Variants in PDE6D observed in about 807,000 individuals in gnomAD.
The protein encoded by PDE6D is retinal rod rhodopsin-sensitive cGMP 3',5'-cyclic phosphodiesterase subunit delta.
A neutral mutation model predicts 21.9 loss-of-function variants in PDE6D; 10 were observed. The observed-to-expected ratio is 0.46, with a 90% CI of 0.28 to 0.78. The LOEUF is 0.78. Ranked by LOEUF, PDE6D falls within the 30% of genes least tolerant of loss-of-function variation. The pLI is 0.12. For synonymous variants in PDE6D, 59 were observed against 63.5 expected (o/e 0.93, Z 0.34); for missense variants, 139 against 184.8 (o/e 0.75, Z 1.44).
intron 1 of PDE6D, among the ~76,000 whole-genome samples, chr2:231,775,066 C>T (rs982231586): frequency 1.1e-4 from 17 of 151,836 alleles, no homozygotes; most frequent in Non-Finnish European, 2.5e-4. Flanking sequence ...GCGTGTGCCA[C>T]CAAGTTTGGC....
rs34089848 is a variant in PDE6D at position 231,751,134 on chromosome 2, A to T, written c.51-11946T>A. 1.2e-3 allele frequency among the ~76,000 whole-genome samples: 171 copies of T among 148,290 alleles called. 1 individual carries two copies. The highest frequency in any genetic ancestry group is 4.8e-3 in the South Asian group (23 of 4,762). ...ATTCTATTCTAGTCTTTTTTTTTTA[A>T]AAATAAACATTTATTTTAGAATAGT... On this transcript the variant is annotated intron_variant, in intron 1 of 4. Transcript: ENST00000287600.
intron 1 of PDE6D, among the ~76,000 whole-genome samples, chr2:231,756,198 G>T (rs1224958335): frequency 6.6e-6 from 1 of 152,060 alleles, no homozygotes; most frequent in Non-Finnish European, 1.5e-5. Flanking sequence ...GAAGTTTTGG[G>T]GGCAGACCAT....
At chr2:231,750,308 A>T (rs1238655210) in intron 1 of PDE6D, among the ~76,000 whole-genome samples, 2 of 152,080 alleles carry the variant, frequency 1.3e-5, no homozygotes, top group African/African-American at 4.8e-5. Context: ...AATACAACCT[A>T]CTATGTACCG....
Position 231,758,943 on chromosome 2 carries a change from C to T in PDE6D, c.51-19755G>A, listed in dbSNP as rs144482612. On this transcript the variant is annotated intron_variant, in intron 1 of 4. Transcript: ENST00000287600. ...AGAGTGAAAAGAAAAAAATTATAGC[C>T]ACTAAAGCCCATACTCTATACCACC... Among the ~76,000 whole-genome samples, 516 of 152,184 alleles carry T rather than the reference C, an allele frequency of 3.4e-3. 1 individual carries two copies. Among genetic ancestry groups the T allele is most frequent in the African/African-American group, 0.012 (483 of 41,484 alleles).
rs80097909 is a variant in PDE6D, at chr2:231,741,237, C to T, written c.51-2049G>A. Among the ~76,000 whole-genome samples, 1,077 of 148,582 alleles carry T rather than the reference C, an allele frequency of 7.2e-3. 10 individuals are homozygous for T. The highest frequency in any genetic ancestry group is 0.014 in the Admixed American group (205 of 14,872). On this transcript the variant is annotated intron_variant, in intron 1 of 4. Coordinates refer to ENST00000287600, the MANE Select transcript of PDE6D (RefSeq NM_002601.4). ...TCCAGAGGTTAAACAAGTCATTATACAAAGGGTCAAATCAGAATAGGAAAA... is the reference window on the plus strand; with the variant it reads ...TCCAGAGGTTAAACAAGTCATTATATAAAGGGTCAAATCAGAATAGGAAAA...
chr2:231,755,158 C>T (rs972778517), intron 1 of PDE6D, among the ~76,000 whole-genome samples: 1 of 152,156 alleles, frequency 6.6e-6, no homozygotes, highest in Non-Finnish European at 1.5e-5. Flanking sequence ...CATGCTGGTA[C>T]GCTGATCTCA....
intron 1 of PDE6D, among the ~76,000 whole-genome samples, chr2:231,779,753 T>A (rs997996290): frequency 6.6e-6 from 1 of 152,214 alleles, no homozygotes; most frequent in African/African-American, 2.4e-5. Flanking sequence ...CAGCCTTTAG[T>A]TTTTTTAAAA....
intron 1 of PDE6D, among the ~76,000 whole-genome samples, chr2:231,747,844 T>C (rs1456840624): frequency 6.6e-6 from 1 of 152,182 alleles, no homozygotes; most frequent in African/African-American, 2.4e-5. Context: ...GCACCTCCCT[T>C]GAGAGGTTCT....
At chr2:231,741,100 C>T (rs1220462970) in intron 1 of PDE6D, among the ~76,000 whole-genome samples, 2 of 108,868 alleles carry the variant, frequency 1.8e-5, no homozygotes, top group Non-Finnish European at 3.4e-5. Flanking sequence ...TCAACAAGAG[C>T]GAAACCCTGT....
At chr2:231,780,920 C>A (rs2049113987) in intron 1 of PDE6D, 145 bp downstream of exon 1, 3 of 718,356 alleles carry the variant, frequency 4.2e-6, no homozygotes, top group East Asian at 6.2e-5. Context: ...CCGCCGGGTG[C>A]TCGGCACGCT....
intron 4 of PDE6D, among the ~76,000 whole-genome samples, chr2:231,734,686 A>T (rs1300640398): frequency 3.3e-5 from 3 of 91,444 alleles, no homozygotes; most frequent in South Asian, 3.2e-4. Context: ...CTAAAAATAT[A>T]AAAAAAAAAA....
intron 3 of PDE6D, chr2:231,737,545 G>A: frequency 2.6e-6 from 1 of 386,080 alleles, no homozygotes; most frequent in African/African-American, 2.1e-5. Flanking sequence ...CACAATATAA[G>A]CAGCATTTTC....
Position 231,738,195 on chromosome 2 carries a change from A to C in PDE6D, c.140-57T>G. The C allele has an allele frequency of 2.0e-6, 3 of 1,517,494 alleles. No individual in the cohort carries two copies. The South Asian group carries it at 3.7e-5, about 19-fold the overall frequency. The allele number at this position is 1,517,494 out of a possible 1,614,324, so 94.0% of individuals were successfully genotyped here. ...TCTAAATGAAAACCACAGGACTATGATGCTTCAAATTTCTGGGAGCTTCTT... is the reference window on the plus strand; with the variant it reads ...TCTAAATGAAAACCACAGGACTATGCTGCTTCAAATTTCTGGGAGCTTCTT... On this transcript the variant is annotated intron_variant, in intron 2 of 4. Coordinates refer to ENST00000287600, the MANE Select transcript of PDE6D (RefSeq NM_002601.4).
chr2:231,758,329 GGTCTCACTAT>G (rs1559324910), intron 1 of PDE6D, among the ~76,000 whole-genome samples: 2 of 151,644 alleles, frequency 1.3e-5, no homozygotes, highest in African/African-American at 4.9e-5. Context: ...GTAGAGACAA[GGTCTCACTAT>G]GTTGCCCAGG....
intron 1 of PDE6D, among the ~76,000 whole-genome samples, chr2:231,762,919 T>G (rs1242481586): frequency 6.6e-6 from 1 of 151,288 alleles, no homozygotes; most frequent in Non-Finnish European, 1.5e-5. Context: ...GGCAACATAG[T>G]GAGACCCCAT....
Position 231,759,610 on chromosome 2 carries a change from T to C in PDE6D, c.51-20422A>G, listed in dbSNP as rs1172202336. ...ACTATAAAGGGATCTGTGGAATCTA[T>C]TTCTCTGCCAAAAACATGTTTGGGA... On this transcript the variant is annotated intron_variant, in intron 1 of 4. Transcript: ENST00000287600. Among the ~76,000 whole-genome samples, 12 of 152,166 alleles carry C rather than the reference T, an allele frequency of 7.9e-5. No individual in the cohort carries two copies. In the East Asian group the frequency reaches 2.3e-3, roughly 29 times the overall value.
Position 231,781,085 on chromosome 2 carries a change from C to G in PDE6D, c.30G>C (p.Glu10Asp), listed in dbSNP as rs775389135. The G allele has an allele frequency of 2.5e-6, 4 of 1,613,516 alleles. No homozygotes were observed. Among genetic ancestry groups the G allele is most frequent in the East Asian group, 2.2e-5 (1 of 44,818 alleles). The change falls in exon 1 of 5, where the codon GAG (glutamate) becomes GAC (aspartate). Residue 10 changes from glutamate to aspartate, a missense_variant. Transcript: ENST00000287600. ...GATACAGTTTGAAGCCCCTCAGGATCTCCCTGGCCCGCTCGTCCTTGGCTG... is the reference window on the plus strand; with the variant it reads ...GATACAGTTTGAAGCCCCTCAGGATGTCCCTGGCCCGCTCGTCCTTGGCTG... MSAKDERAR[E>D]ILRGFKLNWM...
chr2:231,742,757 A>G (rs2048760498), intron 1 of PDE6D, among the ~76,000 whole-genome samples: 1 of 152,190 alleles, frequency 6.6e-6, no homozygotes, highest in East Asian at 1.9e-4. Flanking sequence ...GCTTTGCACT[A>G]CAGCAGCTAG....
intron 4 of PDE6D, among the ~76,000 whole-genome samples, chr2:231,733,824 G>C (rs1253286057): frequency 6.6e-6 from 1 of 151,120 alleles, no homozygotes; most frequent in East Asian, 1.9e-4. Flanking sequence ...TTTCTTGGTG[G>C]GTATCTCGGT....
Sources: gnomAD v4.1 joint callset for allele counts (sites outside exome capture counted in the v4.1 genomes callset) on GRCh38, gnomAD v4.1.1 for gene constraint, MANE v1.5 for transcripts, NCBI Gene and HGNC (gene_info 2026-07-23, HGNC 2026-07-21) for gene names.